TCF7L1: variants seen among roughly 807,000 people sequenced by gnomAD.
TCF7L1 encodes the protein transcription factor 7-like 1.
TCF7L1 carries 18 observed loss-of-function variants against 63.7 expected under a neutral mutation model. The ratio of observed to expected loss-of-function variants is 0.28; its 90% CI spans 0.20 to 0.42. TCF7L1 has a LOEUF of 0.42. Ranked by LOEUF, TCF7L1 falls within the 10% of genes least tolerant of loss-of-function variation. TCF7L1 has a pLI of 1.00. For missense variants in TCF7L1, 654 were observed against 779.3 expected (o/e 0.84, Z 1.91); for synonymous variants, 355 against 340.9 (o/e 1.04, Z -0.46).
chr2:85,188,176 A>G (rs760790039), intron 3 of TCF7L1, among the ~76,000 whole-genome samples: 2 of 152,182 alleles, frequency 1.3e-5, no homozygotes, highest in African/African-American at 2.4e-5. Flanking sequence ...GCATGAGAGA[A>G]TCTGGTGGTA....
rs189849549 is a variant in TCF7L1, at chr2:85,274,292, C to T, written c.442-9203C>T. The stretch of plus-strand genomic sequence containing the variant: ...GCTCCAGGCTGCAGAAATGCGGACT[C>T]GAAAGCAAGTTGAACTTTGACATTG... On this transcript the variant is annotated intron_variant, in intron 3 of 11. Coordinates refer to ENST00000282111, the MANE Select transcript of TCF7L1 (RefSeq NM_031283.3). 2.0e-3 allele frequency among the ~76,000 whole-genome samples: 305 copies of T among 152,314 alleles called. 2 individuals are homozygous for T. The highest frequency in any genetic ancestry group is 3.5e-3 in the Non-Finnish European group (235 of 68,034).
chr2:85,305,664 C>T (rs560606982), intron 8 of TCF7L1, among the ~76,000 whole-genome samples: 3 of 152,208 alleles, frequency 2.0e-5, no homozygotes, highest in East Asian at 1.9e-4. Flanking sequence ...GAAAGAGAAC[C>T]TGAGAAAGCT....
intron 3 of TCF7L1, among the ~76,000 whole-genome samples, chr2:85,270,135 G>A (rs1681115254): frequency 6.6e-6 from 1 of 152,202 alleles, no homozygotes; most frequent in East Asian, 1.9e-4. Flanking sequence ...CTGCCTGGCT[G>A]TTCTTTTGTG....
intron 3 of TCF7L1, among the ~76,000 whole-genome samples, chr2:85,206,109 A>G (rs1360738370): frequency 6.6e-6 from 1 of 152,204 alleles, no homozygotes; most frequent in East Asian, 1.9e-4. Flanking sequence ...GGGCTCCTGT[A>G]CCCTGTCTGC....
intron 5 of TCF7L1, among the ~76,000 whole-genome samples, chr2:85,303,109 C>G (rs758187138): frequency 1.3e-5 from 2 of 152,236 alleles, no homozygotes; most frequent in Admixed American, 1.3e-4. Context: ...CAGCTCACTG[C>G]AGCCTTGACC....
At position 85,302,513 on chromosome 2, in the gene TCF7L1, G is replaced by C. The variant is rs201529303; in HGVS notation, c.555G>C (p.Pro185=). ...LSNKVPVVQH[P]HHMHPLTPLI... ...ATAAAGTTCCTGTCGTTCAGCACCC[G>C]CATCACATGCATCCGCTGACTCCCC... is the stretch of plus-strand genomic sequence containing the variant. The change falls in exon 5 of 12, where the codon CCG becomes CCC. Residue 185 remains proline (P), a synonymous_variant. Coordinates refer to ENST00000282111, the MANE Select transcript of TCF7L1 (RefSeq NM_031283.3). 13 of 1,613,910 alleles carry C rather than the reference G, an allele frequency of 8.1e-6. No homozygotes were observed. The highest frequency in any genetic ancestry group is 1.3e-5 in the African/African-American group (1 of 74,850).
chr2:85,183,871 A>T (rs1183943230), intron 3 of TCF7L1, among the ~76,000 whole-genome samples: 1 of 152,160 alleles, frequency 6.6e-6, no homozygotes, highest in East Asian at 1.9e-4. Flanking sequence ...GCTTAGTTCT[A>T]GGAGCTGCAG....
chr2:85,164,937 A>G (rs1036600102), intron 3 of TCF7L1, among the ~76,000 whole-genome samples: 1 of 152,208 alleles, frequency 6.6e-6, no homozygotes, highest in Non-Finnish European at 1.5e-5. Context: ...GTCTTATTTA[A>G]TATGTTAATT....
At chr2:85,289,453 A>C (rs1487866230) in intron 4 of TCF7L1, among the ~76,000 whole-genome samples, 1 of 152,174 alleles carries the variant, frequency 6.6e-6, no homozygotes, top group Non-Finnish European at 1.5e-5. Context: ...TCAGATATTC[A>C]GGGGTTTTTT....
intron 3 of TCF7L1, among the ~76,000 whole-genome samples, chr2:85,139,662 G>A (rs1280036588): frequency 2.6e-5 from 4 of 152,192 alleles, no homozygotes; most frequent in East Asian, 3.8e-4. Context: ...GTAAGAGGAG[G>A]CATTTAGAGT....
chr2:85,184,973 GC>G (rs1678884982), intron 3 of TCF7L1, among the ~76,000 whole-genome samples: 1 of 152,156 alleles, frequency 6.6e-6, no homozygotes. Context: ...CAAGGGCCTG[GC>G]CCAGGGTGTC....
chr2:85,265,642 C>T (rs1680950509), intron 3 of TCF7L1, among the ~76,000 whole-genome samples: 1 of 152,146 alleles, frequency 6.6e-6, no homozygotes, highest in South Asian at 2.1e-4. Flanking sequence ...GCTGAGGTCA[C>T]ATTTTTCCAG....
intron 3 of TCF7L1, among the ~76,000 whole-genome samples, chr2:85,217,794 G>A (rs1410386518): frequency 6.6e-6 from 1 of 152,134 alleles, no homozygotes; most frequent in African/African-American, 2.4e-5. Context: ...GACCAGCTGA[G>A]CATCTGTAAT....
At chr2:85,147,790 C>A (rs1233401744) in intron 3 of TCF7L1, among the ~76,000 whole-genome samples, 2 of 152,098 alleles carry the variant, frequency 1.3e-5, no homozygotes, top group Admixed American at 6.5e-5. Context: ...CGCTCATACT[C>A]CTGACCAGCC....
Position 85,209,691 on chromosome 2 carries a change from C to A in TCF7L1, c.442-73804C>A, listed in dbSNP as rs144643749. ...GGCCCATTCCAAAGCGCAGAAGGTG[C>A]AGCACTGGAATTAAGGGGCTGTCTC... On this transcript the variant is annotated intron_variant, in intron 3 of 11. Transcript: ENST00000282111. Among the ~76,000 whole-genome samples, 343 of 152,252 alleles carry A rather than the reference C, an allele frequency of 2.3e-3. 1 individual carries two copies. The highest frequency in any genetic ancestry group is 7.7e-3 in the African/African-American group (320 of 41,540).
chr2:85,183,709 G>A (rs1678854847), intron 3 of TCF7L1, among the ~76,000 whole-genome samples: 1 of 152,212 alleles, frequency 6.6e-6, no homozygotes, highest in Non-Finnish European at 1.5e-5. Context: ...ACTCCAGGCT[G>A]TTTGGAGAGG....
At chr2:85,301,409 TG>T (rs1442096491) in intron 4 of TCF7L1, among the ~76,000 whole-genome samples, 1 of 152,238 alleles carries the variant, frequency 6.6e-6, no homozygotes, top group Non-Finnish European at 1.5e-5. Context: ...GTGTTTGTAA[TG>T]CAGGGTTCAG....
At chr2:85,164,073 A>C (rs1461012374) in intron 3 of TCF7L1, among the ~76,000 whole-genome samples, 1 of 152,126 alleles carries the variant, frequency 6.6e-6, no homozygotes, top group Non-Finnish European at 1.5e-5. Context: ...AATATCTTCC[A>C]AGCCGGCCAC....
chr2:85,162,130 G>A (rs528866641), intron 3 of TCF7L1, among the ~76,000 whole-genome samples: 31 of 152,176 alleles, frequency 2.0e-4, no homozygotes, highest in South Asian at 6.2e-4. Context: ...AGCTACTCTG[G>A]AGGCTGAGGC....
Sources: allele counts gnomAD v4.1 joint callset (sites outside exome capture counted in the v4.1 genomes callset), GRCh38; gene constraint gnomAD v4.1.1; transcripts MANE v1.5; gene names NCBI Gene and HGNC (gene_info 2026-07-23, HGNC 2026-07-21).